The following MYO16 variants were observed in gnomAD, a reference collection of about 807,000 sequenced individuals.
MYO16 encodes the protein myosin XVI.
MYO16 carries 94 observed loss-of-function variants against 205.3 expected under a neutral mutation model. That is an observed-to-expected ratio of 0.46 (90% CI 0.39 to 0.54). The LOEUF (loss-of-function observed/expected upper bound fraction) is 0.54, where lower values mean the gene tolerates loss of function less well. Ranked by LOEUF, MYO16 falls within the 20% of genes least tolerant of loss-of-function variation. The pLI, the probability that MYO16 is intolerant of heterozygous loss-of-function variation, is 0.00. For missense variants in MYO16, 2,315 were observed against 2,387.5 expected, an observed-to-expected ratio of 0.97 and a Z score of 0.63; for synonymous variants, 988 against 954.0, an observed-to-expected ratio of 1.04 and a Z score of -0.66.
intron 6 of MYO16, among the ~76,000 whole-genome samples, chr13:108,802,269 A>G (rs1886990912): frequency 6.6e-6 from 1 of 152,158 alleles, no homozygotes; most frequent in African/African-American, 2.4e-5. Context: ...AGTCCCTGGC[A>G]ACCATCATTC....
In MYO16 at chr13:108,930,531, G is replaced by A. The variant is rs61968654; in HGVS notation, c.1925+20381G>A. On this transcript the variant is annotated intron_variant, in intron 16 of 34. Transcript: ENST00000457511. The stretch of plus-strand genomic sequence containing the variant: ...TAAGTAAAAAAAGAAAAGTCAATTG[G>A]CCATTTCAAAAGGTGCCAAAAGGAT... Among the ~76,000 whole-genome samples, 786 of 152,154 alleles carry A rather than the reference G, an allele frequency of 5.2e-3. 3 individuals are homozygous for A. Among genetic ancestry groups the A allele is most frequent in the Non-Finnish European group, 9.4e-3 (640 of 67,976 alleles).
At chr13:108,944,941 C>T (rs1882877044) in intron 16 of MYO16, among the ~76,000 whole-genome samples, 1 of 152,100 alleles carries the variant, frequency 6.6e-6, no homozygotes, top group African/African-American at 2.4e-5. Flanking sequence ...AATATTGCTT[C>T]ATTTCCTAAG....
At chr13:108,592,463 C>A (rs567232660), upstream of MYO16, among the ~76,000 whole-genome samples, 2 of 61,838 alleles carry the variant, frequency 3.2e-5, no homozygotes, top group African/African-American at 1.4e-4. Flanking sequence ...TGTGGGGGTG[C>A]GGTGTATGGG....
chr13:109,089,302 C>G (rs1232026216), intron 27 of MYO16, among the ~76,000 whole-genome samples: 1 of 152,010 alleles, frequency 6.6e-6, no homozygotes, highest in Non-Finnish European at 1.5e-5. Context: ...CAGCCTCCAC[C>G]TCCTGGGTTC....
At chr13:108,884,752 C>G (rs1879779791) in intron 13 of MYO16, among the ~76,000 whole-genome samples, 1 of 151,668 alleles carries the variant, frequency 6.6e-6, no homozygotes, top group Non-Finnish European at 1.5e-5. Context: ...ATTCTAGACA[C>G]AAGGATGAGA....
chr13:108,858,817 C>T (rs1001982447), intron 11 of MYO16, among the ~76,000 whole-genome samples: 2 of 152,090 alleles, frequency 1.3e-5, no homozygotes, highest in African/African-American at 4.8e-5. Context: ...CTCATAAAGC[C>T]GCAACGCTTT....
rs1341421713 is a variant in MYO16, at chr13:108,785,930, C to T, written c.616+187C>T. ...GCACTGCATTGTGGTTTAGTCAATG[C>T]TGGTTTTTTTGCAAGCCAGCAGAAA... On this transcript the variant is annotated intron_variant, in intron 5 of 34. Coordinates refer to ENST00000457511, the MANE Select transcript of MYO16 (RefSeq NM_001198950.3). 3.3e-5 allele frequency among the ~76,000 whole-genome samples: 5 copies of T among 152,190 alleles called. No individual in the cohort carries two copies. In the East Asian group the frequency reaches 9.6e-4, roughly 29 times the overall value.
rs191184267 is a variant in MYO16, at chr13:109,172,741, T to C, written c.5324-6801T>C. ...AAGTTAATACTCAAGAAATATTACC[T>C]ATACACAGTTATTCATAAAATATTA... On this transcript the variant is annotated intron_variant, in intron 33 of 34. Coordinates refer to ENST00000457511, the MANE Select transcript of MYO16 (RefSeq NM_001198950.3). Among the ~76,000 whole-genome samples the C allele has an allele frequency of 5.9e-5, 9 of 152,368 alleles. No individual in the cohort carries two copies. The East Asian group carries it at 1.3e-3, about 23-fold the overall frequency.
At chr13:108,630,952 T>C (rs748408325) in intron 1 of MYO16, among the ~76,000 whole-genome samples, 44 of 152,228 alleles carry the variant, frequency 2.9e-4, no homozygotes, top group Non-Finnish European at 4.7e-4. Flanking sequence ...GCTTTCATGT[T>C]GCAGAACAAT....
rs528544922 is a variant in MYO16 at position 108,778,845 on chromosome 13, G to A, written c.508-6790G>A. 4.6e-5 allele frequency among the ~76,000 whole-genome samples: 7 copies of A among 152,268 alleles called. No individual in the cohort carries two copies. In the East Asian group the frequency reaches 7.7e-4, roughly 17 times the overall value. On this transcript the variant is annotated intron_variant, in intron 4 of 34. Coordinates refer to ENST00000457511, the MANE Select transcript of MYO16 (RefSeq NM_001198950.3). The stretch of plus-strand genomic sequence containing the variant: ...AATATGAAAAATTCTTCCAAGGCTG[G>A]CATAGAACCTCTCTGGTTCTCCTAT...
intron 28 of MYO16, among the ~76,000 whole-genome samples, chr13:109,102,431 G>T (rs75196618): frequency 0.023 from 3,466 of 151,762 alleles, 54 homozygotes; most frequent in Non-Finnish European, 0.035. Flanking sequence ...GTATTATTTT[G>T]CTTTTAAAGA....
intron 1 of MYO16, among the ~76,000 whole-genome samples, chr13:108,611,958 CTTTTTTTTTTTTTCTTTTTTTTTTTTT>C (rs1181360819): frequency 9.8e-6 from 1 of 101,922 alleles, no homozygotes; most frequent in Admixed American, 9.8e-5. Flanking sequence ...AGGTAATATT[CTTTTTTTTTTTTTCTTTTTTTTTTTTT>C]TTTTTTTTGA....
At chr13:109,027,433 T>C (rs1454528383) in intron 23 of MYO16, among the ~76,000 whole-genome samples, 1 of 152,186 alleles carries the variant, frequency 6.6e-6, no homozygotes, top group Non-Finnish European at 1.5e-5. Flanking sequence ...CTGTGTCTTA[T>C]TTTCCCCCAA....
At chr13:109,067,345 T>C (rs938515269) in intron 27 of MYO16, among the ~76,000 whole-genome samples, 2 of 152,270 alleles carry the variant, frequency 1.3e-5, no homozygotes, top group African/African-American at 4.8e-5. Flanking sequence ...TCATCTCATT[T>C]AATCCTCATA....
chr13:108,959,456 G>A (rs1883500517), intron 17 of MYO16, among the ~76,000 whole-genome samples: 1 of 152,204 alleles, frequency 6.6e-6, no homozygotes, highest in Admixed American at 6.5e-5. Context: ...GGCAGGGCAA[G>A]CAAAGTACAC....
At chr13:108,897,855 C>G (rs1274012605) in intron 14 of MYO16, among the ~76,000 whole-genome samples, 161 bp from the exon 15 acceptor site, 1 of 151,974 alleles carries the variant, frequency 6.6e-6, no homozygotes, top group Admixed American at 6.5e-5. Flanking sequence ...TAGTGGCTTG[C>G]CTTTGAGGAA....
chr13:108,497,753 C>G, the MYO16 span, among the ~76,000 whole-genome samples: 1 of 152,168 alleles, frequency 6.6e-6, no homozygotes, highest in Non-Finnish European at 1.5e-5. Context: ...CCTCCACCCC[C>G]CTGGCCTGAG....
At position 108,786,394 on chromosome 13, in the gene MYO16, T is replaced by C. The variant is rs933225636; in HGVS notation, c.616+651T>C. 1.2e-4 allele frequency among the ~76,000 whole-genome samples: 18 copies of C among 152,206 alleles called. 1 individual carries two copies. Among genetic ancestry groups the C allele is most frequent in the Non-Finnish European group, 2.1e-4 (14 of 68,032 alleles). ...GAGGTATGAGAATCCCTGAGCACAA[T>C]ATAGTATTAAACTAAAGAATTATGC... On this transcript the variant is annotated intron_variant, in intron 5 of 34. Transcript: ENST00000457511.
At chr13:108,551,274 T>C in the MYO16 span, among the ~76,000 whole-genome samples, 1 of 152,200 alleles carries the variant, frequency 6.6e-6, no homozygotes, top group Admixed American at 6.5e-5. Flanking sequence ...GAGTTTCAGA[T>C]GTATCCACAC....
Sources: gnomAD v4.1 joint callset for allele counts (sites outside exome capture counted in the v4.1 genomes callset) on GRCh38, gnomAD v4.1.1 for gene constraint, MANE v1.5 for transcripts, NCBI Gene and HGNC (gene_info 2026-07-23, HGNC 2026-07-21) for gene names.